The following CCSER1 variants were observed in gnomAD, a reference collection of about 807,000 sequenced individuals.
CCSER1 encodes the protein serine-rich coiled-coil domain-containing protein 1.
CCSER1 carries 41 observed loss-of-function variants against 82.0 expected under a neutral mutation model. The observed-to-expected ratio is 0.50, with a 90% CI of 0.39 to 0.65. The LOEUF (loss-of-function observed/expected upper bound fraction) is 0.65. Among genes scored for constraint, CCSER1 ranks in the 30% least tolerant of loss-of-function variants. CCSER1 has a pLI of 0.00. For synonymous variants in CCSER1, 414 were observed against 383.9 expected (o/e 1.08, Z -0.92); for missense variants, 1,119 against 1,064.2 (o/e 1.05, Z -0.72).
chr4:90,608,171 G>A (rs931423391), intron 5 of CCSER1, among the ~76,000 whole-genome samples: 1 of 152,166 alleles, frequency 6.6e-6, no homozygotes, highest in African/African-American at 2.4e-5. Context: ...TACACTTTCT[G>A]TGGATAAGGA....
intron 10 of CCSER1, among the ~76,000 whole-genome samples, chr4:91,535,433 G>A (rs1372334337): frequency 1.3e-5 from 1 of 76,004 alleles, no homozygotes; most frequent in Non-Finnish European, 2.5e-5. Context: ...AGAATGATGA[G>A]GTGAGGAGAC....
At chr4:90,193,256 T>G (rs1319837644) in intron 1 of CCSER1, among the ~76,000 whole-genome samples, 2 of 152,076 alleles carry the variant, frequency 1.3e-5, no homozygotes, top group Admixed American at 1.3e-4. Flanking sequence ...CTTTGTCTTG[T>G]TCACACACAG....
chr4:91,576,215 T>C (rs1763446587), intron 10 of CCSER1, among the ~76,000 whole-genome samples: 1 of 152,050 alleles, frequency 6.6e-6, no homozygotes, highest in Non-Finnish European at 1.5e-5. Flanking sequence ...TATAACTTTA[T>C]TCAGCCTTTA....
chr4:90,475,104 G>A (rs888309267), intron 5 of CCSER1, among the ~76,000 whole-genome samples: 4 of 152,016 alleles, frequency 2.6e-5, no homozygotes, highest in African/African-American at 9.7e-5. Context: ...CTGAATCATT[G>A]TCATTGATTT....
intron 10 of CCSER1, among the ~76,000 whole-genome samples, chr4:91,565,171 G>T (rs1181191482): frequency 6.6e-6 from 1 of 151,444 alleles, no homozygotes; most frequent in African/African-American, 2.4e-5. Flanking sequence ...TTTCCCCATT[G>T]CTTGGTTTTG....
At position 91,599,105 on chromosome 4, in the gene CCSER1, T is replaced by C; in HGVS notation, c.*48T>C. Reference sequence around the variant, plus strand: ...TTGGGTAGGATAAAGATGGTTAGTGTTTCTCGTGCATAGTTCATATTAAAA... The same window carrying C: ...TTGGGTAGGATAAAGATGGTTAGTGCTTCTCGTGCATAGTTCATATTAAAA... On this transcript the variant is annotated 3_prime_UTR_variant, in exon 11 of 11. Coordinates refer to ENST00000509176, the MANE Select transcript of CCSER1 (RefSeq NM_001145065.2). 1 of 1,469,306 alleles carries C rather than the reference T, an allele frequency of 6.8e-7. No homozygotes were observed. Among genetic ancestry groups the C allele is most frequent in the African/African-American group, 1.4e-5 (1 of 70,518 alleles). 91.0% of individuals were successfully genotyped at this position (1,469,306 alleles called of 1,614,324 possible). A position where few individuals can be genotyped will look rare whatever the true frequency, so the allele number is the denominator to read the frequency against.
rs182852766 is a variant in CCSER1, at chr4:90,439,598, A to G, written c.1604-28636A>G. The stretch of plus-strand genomic sequence containing the variant: ...TTGTCCCCTTAGATATTTTGCTTCT[A>G]TATATCCTAATTCTGGCTTAAAGAC... On this transcript the variant is annotated intron_variant, in intron 4 of 10. Transcript: ENST00000509176. 5.3e-5 allele frequency among the ~76,000 whole-genome samples: 8 copies of G among 152,262 alleles called. No homozygotes were observed. The East Asian group carries it at 1.4e-3, about 26-fold the overall frequency.
In CCSER1 at chr4:91,086,042, A is replaced by G. The variant is rs1723363280; in HGVS notation, c.2217+48A>G. ...GGTGGGAAAAAGAGGAAACATGGCTATGGTGTTGCAGTGATGTGGTGATGG... is the reference window on the plus strand; with the variant it reads ...GGTGGGAAAAAGAGGAAACATGGCTGTGGTGTTGCAGTGATGTGGTGATGG... On this transcript the variant is annotated intron_variant, in intron 10 of 10. Transcript: ENST00000509176. 16 of 1,146,450 alleles carry G rather than the reference A, an allele frequency of 1.4e-5. No individual in the cohort carries two copies. In the East Asian group the frequency reaches 3.6e-4, roughly 26 times the overall value. 71.0% of individuals were successfully genotyped at this position (1,146,450 alleles called of 1,614,324 possible).
intron 9 of CCSER1, among the ~76,000 whole-genome samples, chr4:91,001,129 A>G (rs1737995683): frequency 6.6e-6 from 1 of 152,038 alleles, no homozygotes; most frequent in Non-Finnish European, 1.5e-5. Flanking sequence ...GGGATGTTGG[A>G]TTTTATCAAA....
intron 10 of CCSER1, among the ~76,000 whole-genome samples, chr4:91,473,344 AT>A (rs746114790): frequency 6.6e-6 from 1 of 152,216 alleles, no homozygotes; most frequent in Non-Finnish European, 1.5e-5. Context: ...CACAGTTGAC[AT>A]CATTTCTCAT....
At chr4:90,164,659 T>C (rs1730123012) in intron 1 of CCSER1, among the ~76,000 whole-genome samples, 1 of 152,124 alleles carries the variant, frequency 6.6e-6, no homozygotes, top group Non-Finnish European at 1.5e-5. Flanking sequence ...ATTAGAGTTG[T>C]CTAGACTTCC....
chr4:91,217,392 T>A (rs1047917734), intron 10 of CCSER1, among the ~76,000 whole-genome samples: 1 of 152,072 alleles, frequency 6.6e-6, no homozygotes, highest in Non-Finnish European at 1.5e-5. Flanking sequence ...CACCTCCCCA[T>A]CAGATTAGTT....
In CCSER1 at chr4:91,029,147, G is replaced by GCTAGT. The variant is rs1740749434; in HGVS notation, c.2173-56801_2173-56797dup. 3.9e-5 allele frequency among the ~76,000 whole-genome samples: 6 copies of GCTAGT among 152,100 alleles called. No homozygotes were observed. In the South Asian group the frequency reaches 1.2e-3, roughly 32 times the overall value. The stretch of plus-strand genomic sequence containing the variant: ...AATCAAATGAAATGACTGTGAATCT[G>GCTAGT]CTAGTCATAGTTATCTGAGTTTTTT... On this transcript the variant is annotated intron_variant, in intron 9 of 10. Transcript: ENST00000509176.
At chr4:91,483,137 GA>G (rs946680007) in intron 10 of CCSER1, among the ~76,000 whole-genome samples, 18 of 145,290 alleles carry the variant, frequency 1.2e-4, no homozygotes, top group African/African-American at 3.0e-4. Context: ...TGACTTCCCA[GA>G]AAAAAAAAAG....
At chr4:90,132,258 A>C (rs887631348) in intron 1 of CCSER1, among the ~76,000 whole-genome samples, 1 of 152,202 alleles carries the variant, frequency 6.6e-6, no homozygotes, top group African/African-American at 2.4e-5. Context: ...TCACAGGTGT[A>C]TCATTTCGAT....
chr4:90,421,358 C>G (rs1248584589), intron 4 of CCSER1, among the ~76,000 whole-genome samples: 1 of 152,160 alleles, frequency 6.6e-6, no homozygotes, highest in East Asian at 1.9e-4. Flanking sequence ...TGTACCCTTA[C>G]ATCATAACGT....
At chr4:90,475,959 G>C (rs1765021421) in intron 5 of CCSER1, among the ~76,000 whole-genome samples, 1 of 152,064 alleles carries the variant, frequency 6.6e-6, no homozygotes, top group Non-Finnish European at 1.5e-5. Context: ...TCAGGGGTCA[G>C]CTTTACAATG....
chr4:91,203,635 C>A (rs1040367774), intron 10 of CCSER1, among the ~76,000 whole-genome samples: 2 of 134,686 alleles, frequency 1.5e-5, no homozygotes, highest in African/African-American at 5.7e-5. Flanking sequence ...AGCATGAATG[C>A]ATATATACTA....
intron 10 of CCSER1, among the ~76,000 whole-genome samples, chr4:91,447,013 G>T (rs1473620357): frequency 6.6e-6 from 1 of 152,016 alleles, no homozygotes; most frequent in African/African-American, 2.4e-5. Flanking sequence ...ATATCACTTG[G>T]TGTGGCTTTA....
Sources: allele counts gnomAD v4.1 joint callset (sites outside exome capture counted in the v4.1 genomes callset), GRCh38; gene constraint gnomAD v4.1.1; transcripts MANE v1.5; gene names NCBI Gene and HGNC (gene_info 2026-07-23, HGNC 2026-07-21).